The following KIF26B variants were observed in gnomAD, a reference collection of about 807,000 sequenced individuals.
The protein encoded by KIF26B is kinesin family member 26B.
Under a neutral mutation model 151.2 loss-of-function variants are expected in KIF26B, and 63 were observed. The ratio of observed to expected loss-of-function variants is 0.42; its 90% confidence interval spans 0.34 to 0.51. KIF26B has a LOEUF of 0.51. KIF26B is among the 20% of genes least tolerant of loss of function. The pLI, the probability that KIF26B is intolerant of heterozygous loss-of-function variation, is 0.07. For synonymous variants in KIF26B, 1,357 were observed against 1,262.1 expected (o/e 1.08, Z -1.59); for missense variants, 2,813 against 2,913.6 (o/e 0.97, Z 0.79).
rs373035735 is a variant in KIF26B at position 245,494,622 on chromosome 1, A to G, written c.1167-46145A>G. ...TAAGCCTAAAAGAAAAAAAATAGGC[A>G]CTGGAAAGATACCCATAATTTACTG... is the stretch of plus-strand genomic sequence containing the variant. On this transcript the variant is annotated intron_variant, in intron 4 of 14. Transcript: ENST00000407071. Among the ~76,000 whole-genome samples the G allele has an allele frequency of 7.5e-4, 115 of 152,350 alleles. 1 individual carries two copies. Among genetic ancestry groups the G allele is most frequent in the Non-Finnish European group, 1.2e-3 (84 of 68,030 alleles).
chr1:245,287,534 G>A (rs111431456), intron 2 of KIF26B, among the ~76,000 whole-genome samples: 8,488 of 125,214 alleles, frequency 0.068, 278 homozygotes, highest in Admixed American at 0.08. Flanking sequence ...GCGGAGTTTC[G>A]CTCTTGTTGC....
At chr1:245,571,587 A>T (rs144716072) in intron 5 of KIF26B, among the ~76,000 whole-genome samples, 1 of 152,326 alleles carries the variant, frequency 6.6e-6, no homozygotes, top group East Asian at 1.9e-4. Context: ...AGGCTCTCTA[A>T]ACACTTTAAG....
chr1:245,595,117 A>G (rs1480608709), intron 5 of KIF26B, among the ~76,000 whole-genome samples: 5 of 152,162 alleles, frequency 3.3e-5, no homozygotes, highest in East Asian at 3.9e-4. Flanking sequence ...CAAACAGGCA[A>G]TTTGACTTAC....
chr1:245,677,863 C>T (rs1027382788), intron 10 of KIF26B, among the ~76,000 whole-genome samples: 1 of 152,054 alleles, frequency 6.6e-6, no homozygotes, highest in African/African-American at 2.4e-5. Flanking sequence ...AATAAAGACA[C>T]TTACTTGAGA....
intron 2 of KIF26B, among the ~76,000 whole-genome samples, chr1:245,287,193 T>A (rs768922439): frequency 1.3e-5 from 2 of 152,192 alleles, no homozygotes; most frequent in Non-Finnish European, 2.9e-5. Flanking sequence ...TTTGCAGGTC[T>A]GGGGCTATTT....
intron 9 of KIF26B, among the ~76,000 whole-genome samples, chr1:245,629,810 C>T (rs189098000): frequency 6.6e-6 from 1 of 152,256 alleles, no homozygotes; most frequent in East Asian, 1.9e-4. Flanking sequence ...GAACAGACAA[C>T]CTACAAAACG....
At chr1:245,556,457 C>G (rs1163208561) in intron 5 of KIF26B, among the ~76,000 whole-genome samples, 6 of 152,002 alleles carry the variant, frequency 3.9e-5, no homozygotes, top group African/African-American at 1.2e-4. Context: ...AGTGGAGTGG[C>G]GTGAACGAAC....
chr1:245,610,019 G>C (rs1051161065), intron 8 of KIF26B, among the ~76,000 whole-genome samples: 1 of 152,196 alleles, frequency 6.6e-6, no homozygotes, highest in African/African-American at 2.4e-5. Flanking sequence ...GCCAAGAGAA[G>C]CTCCAGTTCA....
chr1:245,204,378 CTTT>C (rs11350122), intron 2 of KIF26B, among the ~76,000 whole-genome samples: 1 of 146,526 alleles, frequency 6.8e-6, no homozygotes, highest in Non-Finnish European at 1.5e-5. Context: ...TAAGATCTCT[CTTT>C]TTTTTTTTTT....
Position 245,609,248 on chromosome 1 carries a change from CT to C in KIF26B, c.1652-16del. 1 of 1,580,434 alleles carries C rather than the reference CT, an allele frequency of 6.3e-7. No homozygotes were observed. Reference sequence around the variant, plus strand: ...CTGGACACTGAACCTGCTTTTCTTCCTTCCCTGGTTCTCCCAGGAAAATCCT... The same window carrying C: ...CTGGACACTGAACCTGCTTTTCTTCCTCCCTGGTTCTCCCAGGAAAATCCT... On this transcript the variant is annotated splice_polypyrimidine_tract_variant and intron_variant, in intron 7 of 14. Transcript: ENST00000407071.
At chr1:245,620,310 T>C (rs372285443) in intron 9 of KIF26B, among the ~76,000 whole-genome samples, 12 of 152,290 alleles carry the variant, frequency 7.9e-5, no homozygotes, top group Admixed American at 2.0e-4. Flanking sequence ...AAAAAAACAC[T>C]TTACAACCAA....
intron 5 of KIF26B, among the ~76,000 whole-genome samples, chr1:245,588,348 T>G (rs373125006): frequency 6.6e-6 from 1 of 152,326 alleles, no homozygotes; most frequent in African/African-American, 2.4e-5. Flanking sequence ...GAACTCCTGC[T>G]GCTTTGAGTC....
chr1:245,223,334 A>G (rs1669809952), intron 2 of KIF26B, among the ~76,000 whole-genome samples: 1 of 152,186 alleles, frequency 6.6e-6, no homozygotes, highest in Admixed American at 6.5e-5. Flanking sequence ...TTCCATATTT[A>G]TTTACAGTGT....
At chr1:245,537,079 T>G (rs1318874614) in intron 4 of KIF26B, among the ~76,000 whole-genome samples, 1 of 152,160 alleles carries the variant, frequency 6.6e-6, no homozygotes, top group African/African-American at 2.4e-5. Context: ...GGGAGACACA[T>G]GGATGCAGCC....
rs193112662 is a variant in KIF26B at position 245,235,268 on chromosome 1, A to G, written c.465+78585A>G. Among the ~76,000 whole-genome samples, 114 of 152,292 alleles carry G rather than the reference A, an allele frequency of 7.5e-4. 1 individual carries two copies. Among genetic ancestry groups the G allele is most frequent in the African/African-American group, 2.7e-3 (111 of 41,546 alleles). On this transcript the variant is annotated intron_variant, in intron 2 of 14. Transcript: ENST00000407071. ...GTCATTCAAAGTGAACATTTGTGTC[A>G]GTTCAATAATATTTGCTTTTAAATT...
rs61842077 is a variant in KIF26B, at chr1:245,159,478, G to A, written c.465+2795G>A. Among the ~76,000 whole-genome samples, 176 of 152,152 alleles carry A rather than the reference G, an allele frequency of 1.2e-3. 1 individual carries two copies. Among genetic ancestry groups the A allele is most frequent in the Middle Eastern group, 3.4e-3 (1 of 294 alleles). On this transcript the variant is annotated intron_variant, in intron 2 of 14. Transcript: ENST00000407071. ...AAAAAATGAATGAGACTATTAAAAC[G>A]TCATTAAAATGATCCAAGGTAAGGT...
chr1:245,383,359 A>C (rs1436658362), intron 3 of KIF26B, among the ~76,000 whole-genome samples: 2 of 152,188 alleles, frequency 1.3e-5, no homozygotes. Flanking sequence ...TGTTTTTAGC[A>C]GTAATCTCAT....
chr1:245,184,936 C>T (rs981929209), intron 2 of KIF26B, among the ~76,000 whole-genome samples: 2 of 152,180 alleles, frequency 1.3e-5, no homozygotes, highest in Non-Finnish European at 1.5e-5. Context: ...GCCCAGAGCA[C>T]TTAATTAGAC....
At chr1:245,162,102 C>T (rs1403450192) in intron 2 of KIF26B, among the ~76,000 whole-genome samples, 1 of 152,220 alleles carries the variant, frequency 6.6e-6, no homozygotes. Flanking sequence ...CTTCAGCCGG[C>T]CATTTCAGTG....
Sources: gnomAD v4.1 joint callset for allele counts (sites outside exome capture counted in the v4.1 genomes callset) on GRCh38, gnomAD v4.1.1 for gene constraint, MANE v1.5 for transcripts, NCBI Gene and HGNC (gene_info 2026-07-23, HGNC 2026-07-21) for gene names.